The following ATRNL1 variants were observed in gnomAD, a reference collection of about 807,000 sequenced individuals.
ATRNL1 encodes attractin-like protein 1.
Under a neutral mutation model 182.7 loss-of-function variants are expected in ATRNL1, and 95 were observed. That is an observed-to-expected ratio of 0.52 (90% CI 0.44 to 0.62). The LOEUF is 0.62. Among genes scored for constraint, ATRNL1 ranks in the 20% least tolerant of loss-of-function variants. The pLI, the probability that ATRNL1 is intolerant of heterozygous loss-of-function variation, is 0.00. For missense variants in ATRNL1, 1,471 were observed against 1,679.5 expected, an observed-to-expected ratio of 0.88 and a Z score of 2.17; for synonymous variants, 576 against 568.3, an observed-to-expected ratio of 1.01 and a Z score of -0.19.
At chr10:115,350,902 A>G (rs1856218294) in intron 19 of ATRNL1, among the ~76,000 whole-genome samples, 1 of 152,160 alleles carries the variant, frequency 6.6e-6, no homozygotes, top group African/African-American at 2.4e-5. Context: ...ACTTATGAAC[A>G]TGATATATAT....
At chr10:115,151,631 T>C (rs1420242904) in intron 5 of ATRNL1, among the ~76,000 whole-genome samples, 1 of 152,204 alleles carries the variant, frequency 6.6e-6, no homozygotes, top group Non-Finnish European at 1.5e-5. Context: ...CTTTGCCAGA[T>C]GAGTACATTG....
intron 8 of ATRNL1, among the ~76,000 whole-genome samples, chr10:115,192,181 C>T (rs782682638): frequency 1.3e-5 from 2 of 152,040 alleles, no homozygotes; most frequent in East Asian, 1.9e-4. Context: ...AGACCAATGT[C>T]CTGGAGTGTT....
intron 26 of ATRNL1, among the ~76,000 whole-genome samples, chr10:115,624,756 G>A (rs781904419): frequency 2.6e-5 from 4 of 152,094 alleles, no homozygotes; most frequent in Non-Finnish European, 5.9e-5. Flanking sequence ...TGGAGTATAC[G>A]ATACATAAAA....
At chr10:115,926,873 T>G (rs1589705364) in intron 28 of ATRNL1, among the ~76,000 whole-genome samples, 1 of 152,200 alleles carries the variant, frequency 6.6e-6, no homozygotes, top group African/African-American at 2.4e-5. Context: ...CTGAAACTAT[T>G]CCAAACAATC....
chr10:115,281,604 A>G (rs76193603), intron 14 of ATRNL1, 117 bp downstream of exon 14: 5 of 1,029,342 alleles, frequency 4.9e-6, no homozygotes, highest in South Asian at 1.7e-5. Flanking sequence ...GTAAATATCA[A>G]CCTATAATAT....
At chr10:115,933,012 C>CT (rs1953449855) in intron 28 of ATRNL1, among the ~76,000 whole-genome samples, 1 of 152,214 alleles carries the variant, frequency 6.6e-6, no homozygotes, top group African/African-American at 2.4e-5. Flanking sequence ...AAACACATTC[C>CT]TGTTAGCTCT....
chr10:115,654,088 A>G (rs1555035083), intron 26 of ATRNL1, among the ~76,000 whole-genome samples: 1 of 152,206 alleles, frequency 6.6e-6, no homozygotes, highest in African/African-American at 2.4e-5. Context: ...TCTGAAATAT[A>G]TATTGAAATC....
chr10:115,790,585 G>A (rs1396303195), intron 27 of ATRNL1, among the ~76,000 whole-genome samples: 1 of 150,480 alleles, frequency 6.6e-6, no homozygotes, highest in Non-Finnish European at 1.5e-5. Context: ...GAGAGTGAAG[G>A]AAAATGAAAT....
chr10:115,431,391 A>G (rs1554963908), intron 21 of ATRNL1, among the ~76,000 whole-genome samples: 1 of 147,134 alleles, frequency 6.8e-6, no homozygotes, highest in Admixed American at 6.7e-5. Context: ...CTGGGCAACA[A>G]GAGTGAAACT....
At chr10:115,600,804 T>C (rs1856548334) in intron 26 of ATRNL1, among the ~76,000 whole-genome samples, 1 of 152,020 alleles carries the variant, frequency 6.6e-6, no homozygotes, top group Admixed American at 6.5e-5. Flanking sequence ...CATTTGATGG[T>C]TACAAAAATG....
rs77405885 is a variant in ATRNL1, at chr10:115,271,916, A to T, written c.2100+3472A>T. Among the ~76,000 whole-genome samples, 829 of 152,306 alleles carry T rather than the reference A, an allele frequency of 5.4e-3. 3 individuals carry two copies. Among genetic ancestry groups the T allele is most frequent in the South Asian group, 0.031 (150 of 4,822 alleles). Reference sequence around the variant, plus strand: ...GGGCTTGGTAGGAGGTGTTTGAATCACAGGAGTGGATCCCTCATGAATGGC... The same window carrying T: ...GGGCTTGGTAGGAGGTGTTTGAATCTCAGGAGTGGATCCCTCATGAATGGC... On this transcript the variant is annotated intron_variant, in intron 13 of 28. Transcript: ENST00000355044.
intron 25 of ATRNL1, among the ~76,000 whole-genome samples, chr10:115,541,313 C>G (rs1340659265): frequency 2.0e-5 from 3 of 152,126 alleles, no homozygotes; most frequent in African/African-American, 7.2e-5. Flanking sequence ...CAAGAGTGCT[C>G]AACTTAATTT....
At chr10:115,327,489 G>A (rs1592457616) in intron 18 of ATRNL1, among the ~76,000 whole-genome samples, 1 of 150,190 alleles carries the variant, frequency 6.7e-6, no homozygotes, top group East Asian at 2.0e-4. Context: ...CTGTTGGTGG[G>A]ACTGTAAACT....
intron 24 of ATRNL1, among the ~76,000 whole-genome samples, chr10:115,516,027 C>A (rs2133691140): frequency 6.6e-6 from 1 of 151,890 alleles, no homozygotes; most frequent in East Asian, 1.9e-4. Context: ...CTCCTAGGGA[C>A]TATCAAACAA....
intron 25 of ATRNL1, among the ~76,000 whole-genome samples, chr10:115,536,818 A>G (rs781801617): frequency 2.0e-5 from 3 of 152,244 alleles, no homozygotes; most frequent in Non-Finnish European, 4.4e-5. Flanking sequence ...GAGAAAAAAG[A>G]AGAAAATGTA....
chr10:115,345,406 C>A (rs781853565), intron 19 of ATRNL1, among the ~76,000 whole-genome samples: 1 of 152,174 alleles, frequency 6.6e-6, no homozygotes, highest in African/African-American at 2.4e-5. Context: ...CAGTCCCTCA[C>A]GATTATTGTT....
chr10:115,136,125 A>T (rs1348369125), intron 5 of ATRNL1, among the ~76,000 whole-genome samples: 1 of 152,012 alleles, frequency 6.6e-6, no homozygotes, highest in Non-Finnish European at 1.5e-5. Context: ...TGGCCTTTAG[A>T]GTAGCTGGGA....
chr10:115,835,717 G>A (rs114313532), intron 27 of ATRNL1, among the ~76,000 whole-genome samples: 454 of 152,270 alleles, frequency 3.0e-3, no homozygotes, highest in African/African-American at 9.6e-3. Flanking sequence ...TTCCCACTTC[G>A]AGACTGAGCC....
intron 27 of ATRNL1, among the ~76,000 whole-genome samples, chr10:115,840,386 G>C (rs1555096704): frequency 1.3e-5 from 2 of 152,136 alleles, no homozygotes; most frequent in Non-Finnish European, 2.9e-5. Context: ...GGAACAAAGA[G>C]CAATTCCAAA....
Sources: gnomAD v4.1 joint callset for allele counts (sites outside exome capture counted in the v4.1 genomes callset) on GRCh38, gnomAD v4.1.1 for gene constraint, MANE v1.5 for transcripts, NCBI Gene and HGNC (gene_info 2026-07-23, HGNC 2026-07-21) for gene names.